Variants in FBXO22 observed in about 807,000 individuals in gnomAD.
FBXO22 encodes F-box protein 22, also known as F-box only protein 22.
FBXO22 carries 13 observed loss-of-function variants against 37.2 expected under a neutral mutation model. The ratio of observed to expected loss-of-function variants is 0.35; its 90% confidence interval spans 0.23 to 0.56. The LOEUF (loss-of-function observed/expected upper bound fraction) is 0.56. FBXO22 is among the 20% of genes least tolerant of loss of function. FBXO22 has a pLI of 0.87. For synonymous variants in FBXO22, 189 were observed against 189.1 expected (o/e 1.00, Z 0.00); for missense variants, 446 against 509.9 (o/e 0.87, Z 1.21).
chr15:75,920,324 T>A (rs907092244), intron 5 of FBXO22, among the ~76,000 whole-genome samples: 1 of 152,224 alleles, frequency 6.6e-6, no homozygotes, highest in Non-Finnish European at 1.5e-5. Context: ...AGAACCATTT[T>A]GTGTGTTGCC....
chr15:75,913,369 C>T (rs927630527), intron 3 of FBXO22, 79 bp downstream of exon 3: 3 of 956,934 alleles, frequency 3.1e-6, no homozygotes, highest in African/African-American at 3.3e-5. Flanking sequence ...TATACTTGTC[C>T]TGAGAGTTAA....
chr15:75,906,488 G>T (rs1349500118), intron 2 of FBXO22, among the ~76,000 whole-genome samples: 1 of 151,958 alleles, frequency 6.6e-6, no homozygotes, highest in Non-Finnish European at 1.5e-5. Context: ...CATCCTTTTC[G>T]AATCAAACGC....
Position 75,904,620 on chromosome 15 carries a change from G to A in FBXO22, c.270G>A (p.Glu90=). 6.2e-7 allele frequency: 1 copy of A among 1,606,368 alleles called. No homozygotes were observed. Among genetic ancestry groups the A allele is most frequent in the East Asian group, 2.2e-5 (1 of 44,598 alleles). Residue 90 remains glutamate (E), a synonymous_variant, in exon 2 of 7, where the codon GAG becomes GAA. Coordinates refer to ENST00000308275, the MANE Select transcript of FBXO22 (RefSeq NM_147188.3). ...EGHCLVRVVA[E]ELENVRILPH... is the part of the protein sequence containing the mutation. ...ATTGCTTGGTTCGCGTGGTAGCAGA[G>A]GAGCTTGAGGCAAGTAGCAAGGGGT...
At position 75,904,591 on chromosome 15, in the gene FBXO22, G is replaced by A. The variant is rs761709471; in HGVS notation, c.241G>A (p.Gly81Arg). 1.2e-6 allele frequency: 2 copies of A among 1,612,988 alleles called. No homozygotes were observed. Among genetic ancestry groups the A allele is most frequent in the Non-Finnish European group, 1.7e-6 (2 of 1,179,282 alleles). Residue 81 changes from glycine to arginine, a missense_variant, in exon 2 of 7, where the codon GGG (glycine) becomes AGG (arginine). Physicochemically the swap from Gly to Arg is moderately radical, Grantham distance 125 (BLOSUM62 -2). Coordinates refer to ENST00000308275, the MANE Select transcript of FBXO22 (RefSeq NM_147188.3). ...CCTGGCGGAGGCCGGCCACCTGGAGGGGCATTGCTTGGTTCGCGTGGTAGC... is the reference window on the plus strand; with the variant it reads ...CCTGGCGGAGGCCGGCCACCTGGAGAGGCATTGCTTGGTTCGCGTGGTAGC... The part of the protein sequence containing the change: ...AGLAEAGHLE[G>R]HCLVRVVAEE...
intron 5 of FBXO22, among the ~76,000 whole-genome samples, chr15:75,921,186 G>A (rs1329328201): frequency 6.6e-6 from 1 of 152,190 alleles, no homozygotes; most frequent in Non-Finnish European, 1.5e-5. Flanking sequence ...AAAAGGTACA[G>A]TAAAAACATG....
At chr15:75,909,922 C>T (rs1900015717) in intron 2 of FBXO22, among the ~76,000 whole-genome samples, 1 of 152,114 alleles carries the variant, frequency 6.6e-6, no homozygotes, top group Admixed American at 6.6e-5. Flanking sequence ...CCCTAATCTC[C>T]CACTCCCTGA....
At chr15:75,932,093 A>T (rs2030045223) in intron 6 of FBXO22, among the ~76,000 whole-genome samples, 1 of 152,214 alleles carries the variant, frequency 6.6e-6, no homozygotes, top group African/African-American at 2.4e-5. Flanking sequence ...ATGTATCTGT[A>T]GCCCCAGCTC....
At chr15:75,904,219 C>T in intron 1 of FBXO22, 116 bp downstream of exon 1, 5 of 1,362,534 alleles carry the variant, frequency 3.7e-6, no homozygotes, top group Non-Finnish European at 4.8e-6. Flanking sequence ...CCCCGGCTCG[C>T]TCGCCCTACC....
chr15:75,918,110 A>G (rs1900229397), intron 5 of FBXO22, among the ~76,000 whole-genome samples: 1 of 152,208 alleles, frequency 6.6e-6, no homozygotes, highest in Non-Finnish European at 1.5e-5. Flanking sequence ...ATTAAAAATC[A>G]CTGTTGGCAT....
At position 75,933,241 on chromosome 15, in the gene FBXO22, CAT is replaced by C; in HGVS notation, c.*140_*141del. 1 of 697,196 alleles carries C rather than the reference CAT, an allele frequency of 1.4e-6. No individual in the cohort carries two copies. The highest frequency in any genetic ancestry group is 2.9e-5 in the Admixed American group (1 of 33,934). 43.2% of individuals were successfully genotyped at this position (697,196 alleles called of 1,614,324 possible). ...AGCTTTGATTGATGCTCTAAGATCACATGAGGGTAGTATTTAATATATTAGAT... is the reference window on the plus strand; with the variant it reads ...AGCTTTGATTGATGCTCTAAGATCACGAGGGTAGTATTTAATATATTAGAT... On this transcript the variant is annotated 3_prime_UTR_variant, in exon 7 of 7. Coordinates refer to ENST00000308275, the MANE Select transcript of FBXO22 (RefSeq NM_147188.3).
At chr15:75,904,692 ATTT>A in intron 2 of FBXO22, 63 bp downstream of exon 2, 1 of 1,401,192 alleles carries the variant, frequency 7.1e-7, no homozygotes, top group Non-Finnish European at 9.5e-7. Flanking sequence ...TTTGAGAACT[ATTT>A]TTTTTTAAAT....
At chr15:75,911,942 A>G (rs1293301077) in intron 2 of FBXO22, among the ~76,000 whole-genome samples, 1 of 150,248 alleles carries the variant, frequency 6.7e-6, no homozygotes, top group Admixed American at 6.7e-5. Flanking sequence ...CGTTCCATCA[A>G]TACCTAGTTT....
Position 75,904,043 on chromosome 15 carries a change from C to T in FBXO22, c.80C>T (p.Ala27Val), listed in dbSNP as rs1411793186. 2.6e-6 allele frequency: 4 copies of T among 1,565,898 alleles called. No individual in the cohort carries two copies. Among genetic ancestry groups the T allele is most frequent in the African/African-American group, 1.3e-5 (1 of 74,306 alleles). Residue 27 changes from alanine (A) to valine (V), a missense_variant, in exon 1 of 7, where the codon GCG (alanine) becomes GTG (valine). Transcript: ENST00000308275. ...AGCACCTTCGTGTTGAGTAACCTGG[C>T]GGAGGTGGTGGAGCGTGTGCTCACC... ...PRSTFVLSNLAEVVERVLTFL... is the reference protein window; with the variant it reads ...PRSTFVLSNLVEVVERVLTFL...
In FBXO22 at chr15:75,933,186, CA is replaced by C. The variant is rs781275509; in HGVS notation, c.*89del. ...AAACTTGGGCCATGTGTATTTCAAA[CA>C]AAAATAACTTTAGATATATCTTTTT... On this transcript the variant is annotated 3_prime_UTR_variant, in exon 7 of 7. Transcript: ENST00000308275. 1 of 1,161,060 alleles carries C rather than the reference CA, an allele frequency of 8.6e-7. No homozygotes were observed. The highest frequency in any genetic ancestry group is 2.3e-5 in the Admixed American group (1 of 43,318). The allele number at this position is 1,161,060 out of a possible 1,614,324, so 71.9% of individuals were successfully genotyped here. A position where few individuals can be genotyped will look rare whatever the true frequency, so the allele number is the denominator to read the frequency against.
rs1029173032 is a variant in FBXO22 at position 75,938,584 on chromosome 15, G to A, written c.*5482G>A. On this transcript the variant is annotated 3_prime_UTR_variant, in exon 7 of 7. Coordinates refer to ENST00000308275, the MANE Select transcript of FBXO22 (RefSeq NM_147188.3). Reference sequence around the variant, plus strand: ...AACAAAATCAGAATATCAACAGATAGGCATTATAAAAAAATTCTGGCAGAG... The same window carrying A: ...AACAAAATCAGAATATCAACAGATAAGCATTATAAAAAAATTCTGGCAGAG... 2 of 152,122 alleles carry A rather than the reference G, an allele frequency of 1.3e-5. No individual in the cohort carries two copies. The highest frequency in any genetic ancestry group is 2.9e-5 in the Non-Finnish European group (2 of 68,022). The allele number at this position is 152,122 out of a possible 1,614,324, so 9.4% of individuals were successfully genotyped here.
At chr15:75,929,503 T>C (rs2029929090) in intron 5 of FBXO22, among the ~76,000 whole-genome samples, 1 of 147,362 alleles carries the variant, frequency 6.8e-6, no homozygotes, top group Non-Finnish European at 1.5e-5. Flanking sequence ...CACAGCTCTG[T>C]GTAAACCAGT....
At chr15:75,926,331 T>G (rs1900439774) in intron 5 of FBXO22, among the ~76,000 whole-genome samples, 1 of 152,314 alleles carries the variant, frequency 6.6e-6, no homozygotes, top group African/African-American at 2.4e-5. Flanking sequence ...ATTTTGAGTG[T>G]CAAGGAGTTG....
intron 1 of FBXO22, 149 bp from the exon 2 acceptor site, chr15:75,904,342 C>A: frequency 8.0e-7 from 1 of 1,249,230 alleles, no homozygotes. Context: ...TTCTTCCGAA[C>A]TAGCGCCCTG....
rs769871187 is a variant in FBXO22 at position 75,904,011 on chromosome 15, C to A, written c.48C>A (p.Asp16Glu). 9 of 1,580,556 alleles carry A rather than the reference C, an allele frequency of 5.7e-6. No individual in the cohort carries two copies. The highest frequency in any genetic ancestry group is 7.7e-6 in the Non-Finnish European group (9 of 1,163,104). Residue 16 changes from aspartate (D) to glutamate (E), a missense_variant, in exon 1 of 7, where the codon GAC becomes GAA. Transcript: ENST00000308275. ...CCGECRGSSV[D>E]PRSTFVLSNL... ...GCGAGTGCCGCGGCTCCTCCGTAGA[C>A]CCGCGGAGCACCTTCGTGTTGAGTA...
Sources: allele counts gnomAD v4.1 joint callset (sites outside exome capture counted in the v4.1 genomes callset), GRCh38; gene constraint gnomAD v4.1.1; transcripts MANE v1.5; gene names NCBI Gene and HGNC (gene_info 2026-07-23, HGNC 2026-07-21).